The following SPTB variants were observed in gnomAD, a reference collection of about 807,000 sequenced individuals.
SPTB encodes the protein spectrin beta, erythrocytic.
SPTB carries 45 observed loss-of-function variants against 256.2 expected under a neutral mutation model. The observed-to-expected ratio is 0.18, with a 90% CI of 0.14 to 0.23. The LOEUF is 0.23. SPTB is among the 10% of genes least tolerant of loss of function. The pLI is 1.00. For synonymous variants in SPTB, 1,231 were observed against 1,243.1 expected (o/e 0.99, Z 0.21); for missense variants, 2,715 against 3,040.4 (o/e 0.89, Z 2.52).
intron 1 of SPTB, among the ~76,000 whole-genome samples, chr14:64,838,892 G>A (rs2083564325): frequency 6.6e-6 from 1 of 151,990 alleles, no homozygotes; most frequent in Non-Finnish European, 1.5e-5. Flanking sequence ...TCAGCACCTG[G>A]GAGGCCGACG....
rs995054895 is a variant in SPTB at position 64,775,644 on chromosome 14, G to A, written c.4564-241C>T. 6.6e-6 allele frequency among the ~76,000 whole-genome samples: 1 copy of A among 152,272 alleles called. No homozygotes were observed. Among genetic ancestry groups the A allele is most frequent in the African/African-American group, 2.4e-5 (1 of 41,474 alleles). ...AGCATGTGGAGACCAGCATGCAGCA[G>A]TGAAGTCACTCAGTGGCAGAGCCGG... is the stretch of plus-strand genomic sequence containing the variant. On this transcript the variant is annotated intron_variant, in intron 22 of 35. Transcript: ENST00000644917. This position sits in a 1 kb window ranked among gnomAD's most constrained non-coding sequence, Gnocchi z 5.0.
rs2884253 is a variant in SPTB at position 64,779,424 on chromosome 14, T to C, written c.4474-178A>G. On this transcript the variant is annotated intron_variant, in intron 21 of 35. Transcript: ENST00000644917. This position sits in a 1 kb window ranked among gnomAD's most constrained non-coding sequence, Gnocchi z 4.2. ...ATATTTGGGGATTTTGAACTGAGGT[T>C]CCAAATAACTTGCTCCTAGTCAGAC... 0.34 allele frequency among the ~76,000 whole-genome samples: 52,035 copies of C among 152,042 alleles called. 11,285 individuals carry two copies. Among genetic ancestry groups the C allele is most frequent in the African/African-American group, 0.61 (25,444 of 41,426 alleles).
Position 64,816,983 on chromosome 14 carries a change from G to A in SPTB, c.148+5964C>T, listed in dbSNP as rs1344224437. ...GTGGTTCACTCAGACTGCACTGCCC[G>A]GGGAGAGAACAGAGTCTTATTATTA... On this transcript the variant is annotated intron_variant, in intron 2 of 35. Transcript: ENST00000644917. This position sits in a 1 kb window ranked among gnomAD's most constrained non-coding sequence, Gnocchi z 4.2. Among the ~76,000 whole-genome samples, 5 of 152,180 alleles carry A rather than the reference G, an allele frequency of 3.3e-5. No homozygotes were observed. The highest frequency in any genetic ancestry group is 9.7e-5 in the African/African-American group (4 of 41,434).
chr14:64,864,785 T>C (rs932485262), intron 1 of SPTB, among the ~76,000 whole-genome samples: 1 of 152,178 alleles, frequency 6.6e-6, no homozygotes, highest in Non-Finnish European at 1.5e-5. Context: ...ATGTTCGTGT[T>C]ATAATTTCTA....
In SPTB at chr14:64,778,814, GCA is replaced by G. The variant is rs1369636954; in HGVS notation, c.4563+341_4563+342del. Among the ~76,000 whole-genome samples the G allele has an allele frequency of 1.3e-5, 2 of 152,044 alleles. No homozygotes were observed. The highest frequency in any genetic ancestry group is 2.9e-5 in the Non-Finnish European group (2 of 68,012). ...TCAGGAGTTACTGCCCTCCTCTCAG[GCA>G]GACCACTGGATACACCGAATACACA... On this transcript the variant is annotated intron_variant, in intron 22 of 35. Transcript: ENST00000644917. This position sits in a 1 kb window ranked among gnomAD's most constrained non-coding sequence, Gnocchi z 5.2.
At chr14:64,752,382 A>AT in intron 33 of SPTB, 1 of 638,942 alleles carries the variant, frequency 1.6e-6, no homozygotes, top group Admixed American at 2.8e-5. Flanking sequence ...AAGGTCAGAG[A>AT]GAGAAACTGA....
Position 64,775,281 on chromosome 14 carries a change from C to T in SPTB, c.4686G>A (p.Leu1562=), listed in dbSNP as rs1386221264. 6.2e-7 allele frequency: 1 copy of T among 1,613,562 alleles called. No individual in the cohort carries two copies. The highest frequency in any genetic ancestry group is 8.5e-7 in the Non-Finnish European group (1 of 1,179,974). The part of the protein sequence containing the change: ...CQDLEERLGH[L]QSSWDRLREA... Reference sequence around the variant, plus strand: ...CCCGCAGCCTGTCCCAGGAGCTCTGCAGGTGCCCCAGGCGCTCCTCAAGGT... The same window carrying T: ...CCCGCAGCCTGTCCCAGGAGCTCTGTAGGTGCCCCAGGCGCTCCTCAAGGT... The change falls in exon 23 of 36, where the codon CTG becomes CTA. Residue 1562 remains leucine (L), a synonymous_variant. Coordinates refer to ENST00000644917, the MANE Select transcript of SPTB (RefSeq NM_001355436.2). This position sits in a 1 kb window ranked among gnomAD's most constrained non-coding sequence, Gnocchi z 5.0.
intron 1 of SPTB, among the ~76,000 whole-genome samples, chr14:64,850,718 T>C (rs534980625): frequency 2.0e-5 from 3 of 152,344 alleles, no homozygotes; most frequent in Non-Finnish European, 4.4e-5. Context: ...CAGTAAGTGA[T>C]GTGATTTATG....
rs766548051 is a variant in SPTB, at chr14:64,785,869, C to G, written c.3644G>C (p.Gly1215Ala). The part of the protein sequence containing the change: ...AGIRKFEDFL[G>A]SMENNRDKVL... ...CTTATCCCGGTTGTTCTCCATAGAC[C>G]CCAAGAAATCCTCAAACTTCCGGAT... The change falls in exon 17 of 36, where the codon GGG becomes GCG. Residue 1215 changes from glycine to alanine, a missense_variant. Gly to Ala is a moderately conservative substitution (Grantham distance 60, BLOSUM62 0). Around this residue, in one of 4 missense-constraint regions of SPTB, gnomAD observed 2,239 missense variants for 2,384.4 expected, o/e 0.94. Transcript: ENST00000644917. This position sits in a 1 kb window ranked among gnomAD's most constrained non-coding sequence, Gnocchi z 4.4. 3.9e-5 allele frequency: 63 copies of G among 1,614,116 alleles called. No individual in the cohort carries two copies. The highest frequency in any genetic ancestry group is 5.0e-5 in the Non-Finnish European group (59 of 1,180,030).
intron 1 of SPTB, among the ~76,000 whole-genome samples, chr14:64,838,239 C>G (rs1367504049): frequency 6.6e-6 from 1 of 152,140 alleles, no homozygotes; most frequent in East Asian, 1.9e-4. Context: ...ACCCATACCA[C>G]ATACCATATA....
At position 64,759,587 on chromosome 14, in the gene SPTB, A is replaced by G. The variant is rs963143990; in HGVS notation, c.6346-5794T>C. On this transcript the variant is annotated intron_variant, in intron 32 of 35. Coordinates refer to ENST00000644917, the MANE Select transcript of SPTB (RefSeq NM_001355436.2). The surrounding 1 kb of genome is among the most constrained non-coding windows in gnomAD (Gnocchi z 4.8). ...AGATCTATGGACAGAGAGCACCAGG[A>G]GGGGCGATGCTGGCTACTCATGTGG... Among the ~76,000 whole-genome samples the G allele has an allele frequency of 3.3e-5, 5 of 152,174 alleles. No individual in the cohort carries two copies. Among genetic ancestry groups the G allele is most frequent in the African/African-American group, 1.2e-4 (5 of 41,448 alleles).
At chr14:64,787,187 G>A (rs2082587599) in intron 15 of SPTB, 27 bp from the exon 16 acceptor site, 7 of 1,600,620 alleles carry the variant, frequency 4.4e-6, no homozygotes, top group South Asian at 3.3e-5. Flanking sequence ...CAGCCCGGAG[G>A]AGAGAGACAC....
At chr14:64,843,023 C>A (rs942693644) in intron 1 of SPTB, among the ~76,000 whole-genome samples, 9 of 152,148 alleles carry the variant, frequency 5.9e-5, no homozygotes, top group African/African-American at 2.2e-4. Context: ...TGTGATCACA[C>A]CACTGCACTC....
At position 64,823,222 on chromosome 14, in the gene SPTB, C is replaced by A. The variant is rs2083325226; in HGVS notation, c.-51-77G>T. The A allele has an allele frequency of 1.8e-6, 2 of 1,113,370 alleles. No individual in the cohort carries two copies. The highest frequency in any genetic ancestry group is 2.6e-5 in the South Asian group (2 of 77,286). 69.0% of individuals were successfully genotyped at this position (1,113,370 alleles called of 1,614,324 possible). Reference sequence around the variant, plus strand: ...TTTCTCCGGGGAAACTTATTCGGAGCATCCAACGTGAGTAGATCCTGACAG... The same window carrying A: ...TTTCTCCGGGGAAACTTATTCGGAGAATCCAACGTGAGTAGATCCTGACAG... On this transcript the variant is annotated intron_variant, in intron 1 of 35. Transcript: ENST00000644917. The surrounding 1 kb of genome is among the most constrained non-coding windows in gnomAD (Gnocchi z 6.5).
At position 64,795,947 on chromosome 14, in the gene SPTB, T is replaced by C. The variant is rs909029516; in HGVS notation, c.1342-308A>G. 4.6e-5 allele frequency among the ~76,000 whole-genome samples: 7 copies of C among 152,150 alleles called. No individual in the cohort carries two copies. Among genetic ancestry groups the C allele is most frequent in the Admixed American group, 3.9e-4 (6 of 15,286 alleles). ...GCTGGCACTCCCCACATGCCTCGAG[T>C]GGACCTGTTGGATTTGGGGCAGGAA... On this transcript the variant is annotated intron_variant, in intron 11 of 35. Transcript: ENST00000644917. The surrounding 1 kb of genome is among the most constrained non-coding windows in gnomAD (Gnocchi z 6.5).
chr14:64,759,045 T>C lies in SPTB; in HGVS notation c.6346-5252A>G, dbSNP rs1223813568. Reference sequence around the variant, plus strand: ...GAATTCTAGAGCTGGAAAGAGGCCTTGGGGTCATGGGACTCAGCCTCTCCT... The same window carrying C: ...GAATTCTAGAGCTGGAAAGAGGCCTCGGGGTCATGGGACTCAGCCTCTCCT... On this transcript the variant is annotated intron_variant, in intron 32 of 35. Transcript: ENST00000644917. This position sits in a 1 kb window ranked among gnomAD's most constrained non-coding sequence, Gnocchi z 4.8. 6.6e-6 allele frequency among the ~76,000 whole-genome samples: 1 copy of C among 152,014 alleles called. No individual in the cohort carries two copies. Among genetic ancestry groups the C allele is most frequent in the Non-Finnish European group, 1.5e-5 (1 of 67,998 alleles).
rs528020330 is a variant in SPTB at position 64,841,734 on chromosome 14, A to G, written c.-51-18589T>C. On this transcript the variant is annotated intron_variant, in intron 1 of 35. Coordinates refer to ENST00000644917, the MANE Select transcript of SPTB (RefSeq NM_001355436.2). This position sits in a 1 kb window ranked among gnomAD's most constrained non-coding sequence, Gnocchi z 4.6. ...CGTCTAATCTCCCAGCTGCCCTCTGACATCCCATATATATATATATATTTT... is the reference window on the plus strand; with the variant it reads ...CGTCTAATCTCCCAGCTGCCCTCTGGCATCCCATATATATATATATATTTT... Among the ~76,000 whole-genome samples, 3 of 145,188 alleles carry G rather than the reference A, an allele frequency of 2.1e-5. No individual in the cohort carries two copies. The South Asian group carries it at 6.3e-4, about 31-fold the overall frequency.
At position 64,816,341 on chromosome 14, in the gene SPTB, C is replaced by A. The variant is rs2083190165; in HGVS notation, c.148+6606G>T. ...ATATATATTCCCTCCTTAAACTCCACAGCCACCCCTTTTGAGTTTTTCTCT... is the reference window on the plus strand; with the variant it reads ...ATATATATTCCCTCCTTAAACTCCAAAGCCACCCCTTTTGAGTTTTTCTCT... On this transcript the variant is annotated intron_variant, in intron 2 of 35. Transcript: ENST00000644917. The surrounding 1 kb of genome is among the most constrained non-coding windows in gnomAD (Gnocchi z 4.2). Among the ~76,000 whole-genome samples the A allele has an allele frequency of 6.6e-6, 1 of 152,198 alleles. No homozygotes were observed. Among genetic ancestry groups the A allele is most frequent in the Non-Finnish European group, 1.5e-5 (1 of 68,028 alleles).
In SPTB at chr14:64,785,351, G is replaced by GAA. The variant is rs758712966; in HGVS notation, c.3855+184_3855+185dup. On this transcript the variant is annotated intron_variant, in intron 18 of 35. Transcript: ENST00000644917. The surrounding 1 kb of genome is among the most constrained non-coding windows in gnomAD (Gnocchi z 4.4). Reference sequence around the variant, plus strand: ...AGGTTAAGGATGACTTTTCAGATTTGAAAAAAAAAAAACAGTGCAACTGAA... The same window carrying GAA: ...AGGTTAAGGATGACTTTTCAGATTTGAAAAAAAAAAAAAACAGTGCAACTGAA... 7.1e-6 allele frequency among the ~76,000 whole-genome samples: 1 copy of GAA among 140,902 alleles called. No individual in the cohort carries two copies. Among genetic ancestry groups the GAA allele is most frequent in the South Asian group, 2.2e-4 (1 of 4,478 alleles). The allele number at this position is 140,902 out of a possible 152,430, so 92.4% of individuals were successfully genotyped here. A position where few individuals can be genotyped will look rare whatever the true frequency, so the allele number is the denominator to read the frequency against.
Sources: gnomAD v4.1 joint callset for allele counts (sites outside exome capture counted in the v4.1 genomes callset) on GRCh38, gnomAD v4.1.1 for gene constraint, gnomAD v4.1.1 regional missense constraint, Gnocchi (gnomAD v3.1) non-coding constraint, MANE v1.5 for transcripts, NCBI Gene and HGNC (gene_info 2026-07-23, HGNC 2026-07-21) for gene names.